Variants in UGT2B4 observed in about 807,000 individuals in gnomAD.
The protein encoded by UGT2B4 is UDP-glucuronosyltransferase 2B4.
UGT2B4 carries 49 observed loss-of-function variants against 49.8 expected under a neutral mutation model. That is an observed-to-expected ratio of 0.98 (90% CI 0.78 to 1.25). The LOEUF (loss-of-function observed/expected upper bound fraction) is 1.25. UGT2B4 is among the 50% of genes most tolerant of loss of function. The pLI, the probability that UGT2B4 is intolerant of heterozygous loss-of-function variation, is 0.00. For missense variants in UGT2B4, 729 were observed against 627.7 expected, an observed-to-expected ratio of 1.16 and a Z score of -1.73; for synonymous variants, 246 against 217.7, an observed-to-expected ratio of 1.13 and a Z score of -1.14.
At chr4:69,484,059 A>G (rs1021817167) in intron 5 of UGT2B4, among the ~76,000 whole-genome samples, 3 of 152,164 alleles carry the variant, frequency 2.0e-5, no homozygotes, top group African/African-American at 7.2e-5. Flanking sequence ...AAGAACATCA[A>G]CATCTCTGGC....
At chr4:69,506,537 C>T (rs1376640533) in intron 1 of UGT2B4, among the ~76,000 whole-genome samples, 1 of 152,080 alleles carries the variant, frequency 6.6e-6, no homozygotes, top group African/African-American at 2.4e-5. Context: ...AATTGAATTG[C>T]TGAACAGACC....
In UGT2B4 at chr4:69,505,402, G is replaced by GA. The variant is rs560677639; in HGVS notation, c.-105-9437dup. Among the ~76,000 whole-genome samples the GA allele has an allele frequency of 3.7e-3, 562 of 151,900 alleles. 4 individuals are homozygous for GA. Among genetic ancestry groups the GA allele is most frequent in the African/African-American group, 0.013 (530 of 41,432 alleles). ...AAATCTACCAAACAGATAAAAAACA[G>GA]AAAAAAACCATATATTTCAATCCTA... is the stretch of plus-strand genomic sequence containing the variant. On this transcript the variant is annotated intron_variant, in intron 1 of 1. Coordinates refer to the UGT2B4 transcript ENST00000510114.
intron 1 of UGT2B4, among the ~76,000 whole-genome samples, chr4:69,502,153 T>TTCTTTCTTTCTTTCTTTCTTTCTTTC (rs1728355408): frequency 1.7e-5 from 2 of 120,848 alleles, no homozygotes; most frequent in Non-Finnish European, 3.5e-5. Context: ...TTCTTTCTCT[T>TTCTTTCTTTCTTTCTTTCTTTCTTTC]TCTTTCTTTC....
At position 69,502,126 on chromosome 4, in the gene UGT2B4, T is replaced by TTTCTTTCTTTC. The variant is rs1491177643; in HGVS notation, c.-105-6171_-105-6161dup. On this transcript the variant is annotated intron_variant, in intron 1 of 1. Transcript: ENST00000510114. ...CTTTCTTTCTTTCTTTCTTTCTTTC[T>TTTCTTTCTTTC]TTCTTTCTTTCTTTCTTTCTTTCTC... Among the ~76,000 whole-genome samples, 118 of 143,540 alleles carry TTTCTTTCTTTC rather than the reference T, an allele frequency of 8.2e-4. 4 individuals are homozygous for TTTCTTTCTTTC. Among genetic ancestry groups the TTTCTTTCTTTC allele is most frequent in the African/African-American group, 1.9e-3 (72 of 37,446 alleles). The allele number at this position is 143,540 out of a possible 152,430, so 94.2% of individuals were successfully genotyped here.
At chr4:69,519,975 A>G (rs1220396454) in intron 1 of UGT2B4, among the ~76,000 whole-genome samples, 1 of 152,250 alleles carries the variant, frequency 6.6e-6, no homozygotes, top group Non-Finnish European at 1.5e-5. Flanking sequence ...GATATTAAAA[A>G]TGAAATATAG....
intron 1 of UGT2B4, among the ~76,000 whole-genome samples, chr4:69,502,091 C>CTCTTTCTTTCTTTCTTTCTT (rs1157898949): frequency 1.5e-4 from 16 of 108,520 alleles, no homozygotes; most frequent in Admixed American, 5.0e-4. Context: ...TTCTTTCTCT[C>CTCTTTCTTTCTTTCTTTCTT]TCTTTCTTTC....
At chr4:69,521,144 GC>G (rs1176829450) in intron 1 of UGT2B4, among the ~76,000 whole-genome samples, 2 of 152,160 alleles carry the variant, frequency 1.3e-5, no homozygotes, top group East Asian at 3.9e-4. Context: ...GCTCTTCTCT[GC>G]TTTGCTCACC....
At chr4:69,515,441 A>C (rs1728705961) in intron 1 of UGT2B4, among the ~76,000 whole-genome samples, 1 of 152,208 alleles carries the variant, frequency 6.6e-6, no homozygotes, top group African/African-American at 2.4e-5. Flanking sequence ...TTAAGGCAGA[A>C]GTTAATGAGT....
chr4:69,495,778 C>T lies in UGT2B4; in HGVS notation c.84G>A (p.Val28=), dbSNP rs1728143342. The T allele has an allele frequency of 6.2e-7, 1 of 1,613,934 alleles. No individual in the cohort carries two copies. The highest frequency in any genetic ancestry group is 8.5e-7 in the Non-Finnish European group (1 of 1,179,904). Residue 28 remains valine (V), a synonymous_variant, in exon 1 of 6, where the codon GTG becomes GTA. Coordinates refer to ENST00000305107, the MANE Select transcript of UGT2B4 (RefSeq NM_021139.3). Reference sequence around the variant, plus strand: ...TCCAGTGGCTGAATTCTGTGGGCCACACCAGCACCTTTCCACAACTCCCAG... The same window carrying T: ...TCCAGTGGCTGAATTCTGTGGGCCATACCAGCACCTTTCCACAACTCCCAG... ...FSSGSCGKVL[V]WPTEFSHWMN...
At chr4:69,491,610 C>T (rs1271370266) in intron 2 of UGT2B4, among the ~76,000 whole-genome samples, 4 of 152,092 alleles carry the variant, frequency 2.6e-5, no homozygotes, top group East Asian at 3.9e-4. Context: ...GCTTTCACAA[C>T]CATTGACTTG....
chr4:69,500,585 GAAA>G (rs1378680736), upstream of UGT2B4, among the ~76,000 whole-genome samples: 3 of 146,630 alleles, frequency 2.0e-5, no homozygotes, highest in Admixed American at 7.0e-5. Flanking sequence ...AAGAAAGCAA[GAAA>G]GCAAGCAAGA....
chr4:69,501,722 G>A (rs1356647034), intron 1 of UGT2B4, among the ~76,000 whole-genome samples: 1 of 152,122 alleles, frequency 6.6e-6, no homozygotes, highest in East Asian at 1.9e-4. Flanking sequence ...GAAGGGGCAG[G>A]CTGTCATCTT....
rs150230852 is a variant in UGT2B4, at chr4:69,512,233, G to A, written c.-106+13454C>T. 1.3e-3 allele frequency among the ~76,000 whole-genome samples: 202 copies of A among 151,914 alleles called. 1 individual carries two copies. The highest frequency in any genetic ancestry group is 4.4e-3 in the African/African-American group (181 of 41,478). On this transcript the variant is annotated intron_variant, in intron 1 of 1. Coordinates refer to the UGT2B4 transcript ENST00000510114. ...GCTCTTTTATGTGTAATGTTAGCCT[G>A]ATAATTTGGATATCTTGTTTTTTTC...
At chr4:69,485,571 C>G in intron 4 of UGT2B4, 144 bp from the exon 5 acceptor site, 1 of 1,113,276 alleles carries the variant, frequency 9.0e-7, no homozygotes, top group Non-Finnish European at 1.3e-6. Flanking sequence ...GGAAGGAACG[C>G]CTACTTCTGC....
intron 5 of UGT2B4, among the ~76,000 whole-genome samples, chr4:69,483,309 A>G (rs957389659): frequency 3.9e-5 from 6 of 152,094 alleles, no homozygotes; most frequent in Non-Finnish European, 7.4e-5. Context: ...TCAAATAACT[A>G]TTACCTACTC....
chr4:69,485,382 C>T lies in UGT2B4; in HGVS notation c.1136G>A (p.Gly379Asp). Reference sequence around the variant, plus strand: ...TCCATGGTAGATTGCCTCATAGATGCCATTGGCTCCACCATGAGTTATAAA... The same window carrying T: ...TCCATGGTAGATTGCCTCATAGATGTCATTGGCTCCACCATGAGTTATAAA... ...RAFITHGGAN[G>D]IYEAIYHGIP... is the part of the protein sequence containing the mutation. Residue 379 changes from glycine (G) to aspartate (D), a missense_variant, in exon 5 of 6, where the codon GGC becomes GAC. Gly to Asp is a moderately conservative substitution (Grantham distance 94). Coordinates refer to ENST00000305107, the MANE Select transcript of UGT2B4 (RefSeq NM_021139.3). 1 of 1,613,802 alleles carries T rather than the reference C, an allele frequency of 6.2e-7. No individual in the cohort carries two copies. Among genetic ancestry groups the T allele is most frequent in the Non-Finnish European group, 8.5e-7 (1 of 1,179,814 alleles).
chr4:69,498,932 C>G (rs777845128), upstream of UGT2B4, among the ~76,000 whole-genome samples: 12 of 151,984 alleles, frequency 7.9e-5, no homozygotes, highest in Non-Finnish European at 1.3e-4. Flanking sequence ...GCACTTGGCT[C>G]TCTAGTTCTT....
At chr4:69,499,313 C>A (rs1488028061), upstream of UGT2B4, among the ~76,000 whole-genome samples, 1 of 152,036 alleles carries the variant, frequency 6.6e-6, no homozygotes, top group South Asian at 2.1e-4. Flanking sequence ...AAGTGCAATG[C>A]GGTACAAAGA....
intron 1 of UGT2B4, among the ~76,000 whole-genome samples, chr4:69,503,918 C>G (rs1445995153): frequency 2.6e-5 from 4 of 152,146 alleles, no homozygotes; most frequent in Admixed American, 2.6e-4. Flanking sequence ...AGTTGAGACC[C>G]AATAGAAGTC....
Sources: gnomAD v4.1 joint callset for allele counts (sites outside exome capture counted in the v4.1 genomes callset) on GRCh38, gnomAD v4.1.1 for gene constraint, MANE v1.5 for transcripts, NCBI Gene and HGNC (gene_info 2026-07-23, HGNC 2026-07-21) for gene names.